Variants in TMEM209 observed in about 807,000 individuals in gnomAD.
The protein encoded by TMEM209 is transmembrane protein 209, also known as testicular tissue protein Li 202.
In TMEM209, 65 loss-of-function variants were observed where a neutral mutation model predicts 76.2. That is an observed-to-expected ratio of 0.85 (90% CI 0.70 to 1.05). TMEM209 has a LOEUF of 1.05. Among genes scored for constraint, TMEM209 ranks in the 50% least tolerant of loss-of-function variants. TMEM209 has a pLI of 0.00. For synonymous variants in TMEM209, 239 were observed against 237.6 expected, an observed-to-expected ratio of 1.01 and a Z score of -0.06; for missense variants, 623 against 685.5, an observed-to-expected ratio of 0.91 and a Z score of 1.02.
rs972684078 is a variant in TMEM209 at position 130,175,712 on chromosome 7, CT to C, written c.1247-104del. 2.6e-4 allele frequency: 237 copies of C among 906,562 alleles called. 3 individuals carry two copies. The highest frequency in any genetic ancestry group is 2.8e-4 in the Non-Finnish European group (172 of 611,406). The allele number at this position is 906,562 out of a possible 1,614,324, so 56.2% of individuals were successfully genotyped here. On this transcript the variant is annotated intron_variant, in intron 10 of 14. Coordinates refer to ENST00000397622, the MANE Select transcript of TMEM209 (RefSeq NM_032842.4). ...TAAGGGAAGCAAATCATTTAAAAAACTTGATCAAAACACCCAAACCTAAAGA... is the reference window on the plus strand; with the variant it reads ...TAAGGGAAGCAAATCATTTAAAAAACTGATCAAAACACCCAAACCTAAAGA...
At chr7:130,183,215 T>C (rs1797483496) in intron 8 of TMEM209, among the ~76,000 whole-genome samples, 1 of 152,208 alleles carries the variant, frequency 6.6e-6, no homozygotes, top group Non-Finnish European at 1.5e-5. Context: ...GACTCATTCA[T>C]CCTTCCAACA....
At chr7:130,170,646 C>T (rs1181769135) in intron 13 of TMEM209, among the ~76,000 whole-genome samples, 173 bp from the exon 14 acceptor site, 1 of 152,066 alleles carries the variant, frequency 6.6e-6, no homozygotes, top group South Asian at 2.1e-4. Context: ...AGTGGGAATA[C>T]TGCAGTGAGT....
At chr7:130,203,694 C>G (rs1364986818) in intron 3 of TMEM209, 94 bp downstream of exon 3, 1 of 1,115,220 alleles carries the variant, frequency 9.0e-7, no homozygotes, top group South Asian at 1.5e-5. Context: ...CAGTCAAATA[C>G]TTGTTGAATA....
chr7:130,190,473 G>A lies in TMEM209; in HGVS notation c.775+2149C>T, dbSNP rs145465627. Among the ~76,000 whole-genome samples, 529 of 149,728 alleles carry A rather than the reference G, an allele frequency of 3.5e-3. 3 individuals carry two copies. Among genetic ancestry groups the A allele is most frequent in the African/African-American group, 0.012 (495 of 40,610 alleles). On this transcript the variant is annotated intron_variant, in intron 6 of 14. Transcript: ENST00000397622. Reference sequence around the variant, plus strand: ...GCAGAAGTTGCAGTAAGCCGAGATCGCACCACTGCACTCCAGCCTGGGCGA... The same window carrying A: ...GCAGAAGTTGCAGTAAGCCGAGATCACACCACTGCACTCCAGCCTGGGCGA...
At chr7:130,170,768 C>T (rs1309752101) in intron 13 of TMEM209, among the ~76,000 whole-genome samples, 3 of 151,568 alleles carry the variant, frequency 2.0e-5, no homozygotes, top group African/African-American at 7.3e-5. Flanking sequence ...GCCATAGGAA[C>T]ATATGAAGAT....
At chr7:130,176,052 G>C (rs1797225562) in intron 10 of TMEM209, among the ~76,000 whole-genome samples, 1 of 151,132 alleles carries the variant, frequency 6.6e-6, no homozygotes, top group African/African-American at 2.4e-5. Context: ...TGGAAAGAAA[G>C]AATCAAATAT....
chr7:130,193,716 G>A (rs1797876165), intron 5 of TMEM209, among the ~76,000 whole-genome samples: 1 of 151,848 alleles, frequency 6.6e-6, no homozygotes, highest in African/African-American at 2.4e-5. Context: ...CTGGTTAACA[G>A]GAATTTGGAG....
At position 130,166,162 on chromosome 7, in the gene TMEM209, G is replaced by T; in HGVS notation, c.*289C>A. On this transcript the variant is annotated 3_prime_UTR_variant, in exon 15 of 15. Coordinates refer to ENST00000397622, the MANE Select transcript of TMEM209 (RefSeq NM_032842.4). ...AGACTCAAAATCTATTTCATTAAGG[G>T]GAATGGCACTATTTTGAGTCAATAA... 1 of 247,350 alleles carries T rather than the reference G, an allele frequency of 4.0e-6. No individual in the cohort carries two copies. The highest frequency in any genetic ancestry group is 7.6e-6 in the Non-Finnish European group (1 of 131,116). The allele number at this position is 247,350 out of a possible 1,614,324, so 15.3% of individuals were successfully genotyped here.
At chr7:130,191,889 G>C (rs1797808930) in intron 6 of TMEM209, among the ~76,000 whole-genome samples, 2 of 152,106 alleles carry the variant, frequency 1.3e-5, no homozygotes, top group African/African-American at 2.4e-5. Context: ...AGATAGTATT[G>C]ACTGGTTTCT....
At chr7:130,201,205 G>A (rs1233138482) in intron 5 of TMEM209, among the ~76,000 whole-genome samples, 1 of 150,256 alleles carries the variant, frequency 6.7e-6, no homozygotes, top group Non-Finnish European at 1.5e-5. Context: ...GATGTTAGTC[G>A]AACACAGTAG....
chr7:130,178,799 A>C (rs1176765053), intron 9 of TMEM209, among the ~76,000 whole-genome samples: 1 of 152,044 alleles, frequency 6.6e-6, no homozygotes, highest in East Asian at 1.9e-4. Context: ...TTTTTGAGAC[A>C]GTGTCTTGCT....
intron 14 of TMEM209, 96 bp downstream of exon 14, chr7:130,170,303 TA>T: frequency 9.8e-7 from 1 of 1,024,022 alleles, no homozygotes; most frequent in Non-Finnish European, 1.5e-6. Context: ...GTTCAATCCA[TA>T]AACCTTCAGT....
chr7:130,194,694 T>C (rs1387076206), intron 5 of TMEM209, among the ~76,000 whole-genome samples: 1 of 152,230 alleles, frequency 6.6e-6, no homozygotes, highest in Non-Finnish European at 1.5e-5. Context: ...ATTTACTTGA[T>C]ATACAAGAAT....
chr7:130,192,604 ACAGAAATATATATGTACC>A lies in TMEM209; in HGVS notation c.775_775+17del. On this transcript the variant is annotated splice_donor_variant and splice_donor_5th_base_variant and coding_sequence_variant and intron_variant, in exon 6 of 15. Transcript: ENST00000397622. LOFTEE classifies it high-confidence loss of function. ...CACCAAAAATATGTATAGTAGATAT[ACAGAAATATATATGTACC>A]CAGCTTAACCCTATGCTGTTTCTCC... 1 of 1,608,448 alleles carries A rather than the reference ACAGAAATATATATGTACC, an allele frequency of 6.2e-7. No homozygotes were observed. Among genetic ancestry groups the A allele is most frequent in the African/African-American group, 1.3e-5 (1 of 74,936 alleles).
At chr7:130,181,516 T>A (rs1269128708) in intron 9 of TMEM209, 107 bp downstream of exon 9, 2 of 891,440 alleles carry the variant, frequency 2.2e-6, no homozygotes, top group African/African-American at 1.7e-5. Flanking sequence ...ACATTTGGGG[T>A]TTTTCACCCC....
chr7:130,180,810 G>A (rs1362324630), intron 9 of TMEM209, among the ~76,000 whole-genome samples: 1 of 152,210 alleles, frequency 6.6e-6, no homozygotes, highest in Non-Finnish European at 1.5e-5. Context: ...TAAAACATAT[G>A]ACAAGTGTTG....
rs373959602 is a variant in TMEM209, at chr7:130,192,755, T to C, written c.642A>G (p.Gly214=). Residue 214 remains glycine (G), a synonymous_variant, in exon 6 of 15, where the codon GGA becomes GGG. Transcript: ENST00000397622. ...PTTVGPVESS[G]LRSRYRSSPT... ...GTGAAGAACGGTAGCGAGATCTCAA[T>C]CCACTGCTCTCCACTGGTCCAACAG... 2 of 1,613,826 alleles carry C rather than the reference T, an allele frequency of 1.2e-6. No individual in the cohort carries two copies. Among genetic ancestry groups the C allele is most frequent in the African/African-American group, 1.3e-5 (1 of 74,934 alleles).
At chr7:130,193,956 T>A (rs1797884159) in intron 5 of TMEM209, among the ~76,000 whole-genome samples, 1 of 151,778 alleles carries the variant, frequency 6.6e-6, no homozygotes, top group Admixed American at 6.6e-5. Flanking sequence ...CCCAGCACTT[T>A]GGGAGGTCTA....
At chr7:130,194,949 T>C (rs1797921681) in intron 5 of TMEM209, among the ~76,000 whole-genome samples, 1 of 152,134 alleles carries the variant, frequency 6.6e-6, no homozygotes, top group Non-Finnish European at 1.5e-5. Context: ...TCCACACAGA[T>C]TTCTCTTTTA....
Sources: allele counts gnomAD v4.1 joint callset (sites outside exome capture counted in the v4.1 genomes callset), GRCh38; gene constraint gnomAD v4.1.1; transcripts MANE v1.5; gene names NCBI Gene and HGNC (gene_info 2026-07-23, HGNC 2026-07-21).